The following CIT variants were observed in gnomAD, a reference collection of about 807,000 sequenced individuals.
CIT encodes the protein citron rho-interacting serine/threonine kinase.
A neutral mutation model predicts 272.7 loss-of-function variants in CIT; 79 were observed. That is an observed-to-expected ratio of 0.29 (90% confidence interval 0.24 to 0.35). CIT has a LOEUF of 0.35. Among genes scored for constraint, CIT ranks in the 10% least tolerant of loss-of-function variants. The pLI is 1.00. For missense variants in CIT, 1,909 were observed against 2,618.3 expected (o/e 0.73, Z 5.91); for synonymous variants, 948 against 995.6 (o/e 0.95, Z 0.90).
chr12:119,871,793 G>C (rs1297717557), intron 2 of CIT, among the ~76,000 whole-genome samples: 3 of 152,202 alleles, frequency 2.0e-5, no homozygotes, highest in Non-Finnish European at 4.4e-5. Context: ...AGAAGTAAAG[G>C]CTGCAGTGAG....
chr12:119,857,499 AG>A, intron 4 of CIT, 23 bp downstream of exon 4: 1 of 1,612,902 alleles, frequency 6.2e-7, no homozygotes, highest in East Asian at 2.2e-5. Flanking sequence ...AAAGTGGAAA[AG>A]CATGATGTTA....
chr12:119,757,688 GA>G, intron 21 of CIT, 143 bp from the exon 22 acceptor site: 2 of 1,037,868 alleles, frequency 1.9e-6, no homozygotes, highest in Non-Finnish European at 2.8e-6. Context: ...GCTGTCTCCT[GA>G]TCTGGCCTCA....
At chr12:119,703,010 G>A (rs573603764) in intron 41 of CIT, among the ~76,000 whole-genome samples, 109 of 152,242 alleles carry the variant, frequency 7.2e-4, no homozygotes, top group African/African-American at 2.5e-3. Context: ...ATGTGTGGCC[G>A]GGAATCATAA....
In CIT at chr12:119,712,652, G is replaced by A. The variant is rs780669729; in HGVS notation, c.4623C>T (p.Asp1541=). 18 of 1,614,020 alleles carry A rather than the reference G, an allele frequency of 1.1e-5. No individual in the cohort carries two copies. The East Asian group carries it at 1.3e-4, about 12-fold the overall frequency. ...PVEEFELCLP[D]GDVSIHGAVG... ...CGGCACCATGAATAGATACATCCCC[G>A]TCGGGAAGGCACAGCTCAAATTCTT... The change falls in exon 36 of 48, where the codon GAC becomes GAT. Residue 1541 remains aspartate, a synonymous_variant. Coordinates refer to ENST00000392521, the MANE Select transcript of CIT (RefSeq NM_001206999.2). This position sits in a 1 kb window ranked among gnomAD's most constrained non-coding sequence, Gnocchi z 5.2.
intron 39 of CIT, 118 bp from the exon 40 acceptor site, chr12:119,708,436 G>T: frequency 2.9e-6 from 3 of 1,038,668 alleles, no homozygotes; most frequent in East Asian, 2.9e-5. Flanking sequence ...GATGATCTGA[G>T]TTTTCCACAA....
At chr12:119,753,378 C>T (rs1301577442) in intron 22 of CIT, among the ~76,000 whole-genome samples, 1 of 152,102 alleles carries the variant, frequency 6.6e-6, no homozygotes, top group African/African-American at 2.4e-5. Context: ...ATGTAACCTG[C>T]AAAACCAACA....
intron 43 of CIT, among the ~76,000 whole-genome samples, chr12:119,701,186 AG>A (rs1956541277): frequency 1.4e-5 from 1 of 71,172 alleles, no homozygotes; most frequent in Admixed American, 1.8e-4. Flanking sequence ...AAAGAAGGGA[AG>A]GGGGAGGGGA....
intron 40 of CIT, among the ~76,000 whole-genome samples, chr12:119,706,348 T>G (rs1266838344): frequency 6.6e-6 from 1 of 152,200 alleles, no homozygotes; most frequent in Non-Finnish European, 1.5e-5. Context: ...AATAAACTCA[T>G]GTCATGGGGG....
At chr12:119,800,612 T>C (rs1326316312) in intron 10 of CIT, among the ~76,000 whole-genome samples, 1 of 152,202 alleles carries the variant, frequency 6.6e-6, no homozygotes, top group African/African-American at 2.4e-5. Flanking sequence ...CAGCAGCATC[T>C]GCAATTTCCT....
chr12:119,865,289 C>G (rs1040213519), intron 3 of CIT, among the ~76,000 whole-genome samples: 10 of 152,152 alleles, frequency 6.6e-5, no homozygotes, highest in Admixed American at 2.6e-4. Context: ...AATGAAGGTG[C>G]CTGCAGATGG....
At chr12:119,704,775 C>A (rs1439853871) in intron 40 of CIT, among the ~76,000 whole-genome samples, 1 of 152,214 alleles carries the variant, frequency 6.6e-6, no homozygotes, top group Non-Finnish European at 1.5e-5. Flanking sequence ...AGGGAGGCAC[C>A]TGACACCACA....
chr12:119,874,802 C>T (rs913256507), intron 2 of CIT, among the ~76,000 whole-genome samples: 1 of 150,732 alleles, frequency 6.6e-6, no homozygotes, highest in Non-Finnish European at 1.5e-5. Flanking sequence ...AGGAGAATGG[C>T]GTGAACCCCG....
Position 119,714,198 on chromosome 12 carries a change from G to A in CIT, c.4305C>T (p.Leu1435=), listed in dbSNP as rs143040240. 131 of 1,614,078 alleles carry A rather than the reference G, an allele frequency of 8.1e-5. No individual in the cohort carries two copies. The highest frequency in any genetic ancestry group is 1.0e-4 in the Non-Finnish European group (119 of 1,180,006). ...VHFGRQASKC[L]ECQVMCHPKC... ...CAGATGCACAACTACTGATCTTACCGAGACATTTGGATGCCTGGCGTCCAA... is the reference window on the plus strand; with the variant it reads ...CAGATGCACAACTACTGATCTTACCAAGACATTTGGATGCCTGGCGTCCAA... Residue 1435 remains leucine, a splice_region_variant and synonymous_variant, in exon 33 of 48, where the codon CTC becomes CTT. Transcript: ENST00000392521.
chr12:119,832,838 A>G lies in CIT; in HGVS notation c.686T>C (p.Val229Ala), dbSNP rs779862682. Reference sequence around the variant, plus strand: ...CAGCTTGATGTGTCCTGTGCGGTCAACGAGAATGTTCTCAGGCTTGATGTC... The same window carrying G: ...CAGCTTGATGTGTCCTGTGCGGTCAGCGAGAATGTTCTCAGGCTTGATGTC... Reference protein sequence around the residue: ...HRDIKPENILVDRTGHIKLVD... With the variant: ...HRDIKPENILADRTGHIKLVD... The change falls in exon 7 of 48, where the codon GTT becomes GCT. Residue 229 changes from valine (V) to alanine (A), a missense_variant. By Grantham distance (64) the Val-to-Ala change is moderately conservative. This residue lies in a region of CIT where 529 missense variants were observed against 549.6 expected (regional missense o/e 0.96). Coordinates refer to ENST00000392521, the MANE Select transcript of CIT (RefSeq NM_001206999.2). 15 of 1,613,998 alleles carry G rather than the reference A, an allele frequency of 9.3e-6. No individual in the cohort carries two copies. The highest frequency in any genetic ancestry group is 5.5e-5 in the South Asian group (5 of 91,086).
intron 40 of CIT, 26 bp downstream of exon 40, chr12:119,708,153 C>G (rs754683221): frequency 3.3e-5 from 49 of 1,480,610 alleles, no homozygotes; most frequent in Non-Finnish European, 4.1e-5. Flanking sequence ...AACATTCCAC[C>G]AGCTAGGACT....
chr12:119,822,888 C>G lies in CIT; in HGVS notation c.1043G>C (p.Arg348Thr). The G allele has an allele frequency of 1.2e-6, 2 of 1,614,120 alleles. No homozygotes were observed. Among genetic ancestry groups the G allele is most frequent in the Non-Finnish European group, 1.7e-6 (2 of 1,180,022 alleles). Residue 348 changes from arginine to threonine, a missense_variant, in exon 9 of 48, where the codon AGA (arginine) becomes ACA (threonine). Arg to Thr is a moderately conservative substitution (Grantham distance 71). Coordinates refer to ENST00000392521, the MANE Select transcript of CIT (RefSeq NM_001206999.2). ...IQSLLCGQKE[R>T]LKFEGLCCHP... Reference sequence around the variant, plus strand: ...GCAGCAAAGACCTTCAAACTTCAGTCTCTCTTTCTGGCCGCACAACAAGCT... The same window carrying G: ...GCAGCAAAGACCTTCAAACTTCAGTGTCTCTTTCTGGCCGCACAACAAGCT...
At chr12:119,867,220 CACT>C (rs1950541579) in intron 3 of CIT, among the ~76,000 whole-genome samples, 1 of 151,764 alleles carries the variant, frequency 6.6e-6, no homozygotes, top group Admixed American at 6.6e-5. Flanking sequence ...GACAGAGTCT[CACT>C]CATTGCCCAA....
At chr12:119,714,429 C>G in intron 32 of CIT, 95 bp from the exon 33 acceptor site, 1 of 1,306,782 alleles carries the variant, frequency 7.7e-7, no homozygotes, top group Non-Finnish European at 1.1e-6. Flanking sequence ...AAAATACTTG[C>G]AAATCAAATC....
At chr12:119,870,166 C>A (rs1289912141) in intron 2 of CIT, among the ~76,000 whole-genome samples, 1 of 152,158 alleles carries the variant, frequency 6.6e-6, no homozygotes, top group African/African-American at 2.4e-5. Context: ...ATTTCTCCTG[C>A]CTTTGAATCT....
Sources: gnomAD v4.1 joint callset for allele counts (sites outside exome capture counted in the v4.1 genomes callset) on GRCh38, gnomAD v4.1.1 for gene constraint, gnomAD v4.1.1 regional missense constraint, Gnocchi (gnomAD v3.1) non-coding constraint, MANE v1.5 for transcripts, NCBI Gene and HGNC (gene_info 2026-07-23, HGNC 2026-07-21) for gene names.